Variants in HCFC1 observed in about 807,000 individuals in gnomAD.
HCFC1 encodes the protein host cell factor C1.
In HCFC1, 7 loss-of-function variants were observed where a neutral mutation model predicts 105.5. That is an observed-to-expected ratio of 0.07 (90% CI 0.04 to 0.12). The LOEUF is 0.12. HCFC1 is among the 10% of genes least tolerant of loss of function. The pLI, the probability that HCFC1 is intolerant of heterozygous loss-of-function variation, is 1.00. For synonymous variants in HCFC1, 918 were observed against 828.1 expected (o/e 1.11, Z -1.86); for missense variants, 1,065 against 1,823.6 (o/e 0.58, Z 7.58).
intron 6 of HCFC1, 33 bp downstream of exon 6, chrX:153,961,509 C>T: frequency 9.5e-7 from 1 of 1,055,845 alleles, no homozygotes. Context: ...CTGCAGCCTC[C>T]CACAGGCCAC....
chrX:153,955,500 T>A lies in HCFC1; in HGVS notation c.2899A>T (p.Ser967Cys). 8.5e-7 allele frequency: 1 copy of A among 1,179,381 alleles called. No homozygotes were observed. The highest frequency in any genetic ancestry group is 1.1e-6 in the Non-Finnish European group (1 of 877,480). The change falls in exon 17 of 26, where the codon AGT becomes TGT. Residue 967 changes from serine to cysteine, a missense_variant. Ser to Cys is a moderately radical substitution (Grantham distance 112). Transcript: ENST00000310441. Reference protein sequence around the residue: ...PTQVTLITAPSGVEAQPVHDL... With the variant: ...PTQVTLITAPCGVEAQPVHDL... Reference sequence around the variant, plus strand: ...TGCACAGGCTGGGCCTCCACCCCACTAGGTGCCGTGATCAGAGTTACCTGG... The same window carrying A: ...TGCACAGGCTGGGCCTCCACCCCACAAGGTGCCGTGATCAGAGTTACCTGG...
intron 10 of HCFC1, 88 bp from the exon 11 acceptor site, chrX:153,958,337 G>T: frequency 1.3e-6 from 1 of 764,010 alleles, no homozygotes; most frequent in Non-Finnish European, 1.9e-6. Flanking sequence ...CATAGCTCCT[G>T]CCTCAACACT....
Position 153,952,655 on chromosome X carries a change from T to C in HCFC1, c.4801A>G (p.Thr1601Ala). 8.3e-7 allele frequency: 1 copy of C among 1,210,863 alleles called. No homozygotes were observed. Among genetic ancestry groups the C allele is most frequent in the Non-Finnish European group, 1.1e-6 (1 of 895,134 alleles). ...LMAEAQAGTT[T>A]LMVTGLTPEE... ...GGGGTGAGCCCCGTTACCATGAGGG[T>C]GGTGGTGCCAGCTTGGGCCTCGGCC... The change falls in exon 19 of 26, where the codon ACC becomes GCC. Residue 1601 changes from threonine (T) to alanine (A), a missense_variant. Physicochemically the swap from Thr to Ala is moderately conservative, Grantham distance 58. Around this residue, in one of 17 missense-constraint regions of HCFC1, gnomAD observed 546 missense variants for 599.9 expected, o/e 0.91. Coordinates refer to ENST00000310441, the MANE Select transcript of HCFC1 (RefSeq NM_005334.3).
rs1482150190 is a variant in HCFC1 at position 153,959,849 on chromosome X, G to A, written c.1397C>T (p.Thr466Met). 6 of 1,185,451 alleles carry A rather than the reference G, an allele frequency of 5.1e-6. No homozygotes were observed. Among genetic ancestry groups the A allele is most frequent in the African/African-American group, 1.8e-5 (1 of 56,836 alleles). The change falls in exon 8 of 26, where the codon ACG (threonine) becomes ATG (methionine). Residue 466 changes from threonine (T) to methionine (M), a missense_variant. Thr to Met is a moderately conservative substitution (Grantham distance 81). Coordinates refer to ENST00000310441, the MANE Select transcript of HCFC1 (RefSeq NM_005334.3). ...CACAGAAATGGAGCTGCCAGGCACC[G>A]TTGGCAAGACCTGGATGGTGGTGGT... ...PTTTTIQVLPTVPGSSISVPT... is the reference protein window; with the variant it reads ...PTTTTIQVLPMVPGSSISVPT...
rs2065303843 is a variant in HCFC1 at position 153,950,858 on chromosome X, G to A, written c.5658C>T (p.Cys1886=). The part of the protein sequence containing the change: ...PFSEISAFKT[C]LPGFPGAPCA... ...AAGGGGCCCCTGGGAAACCAGGCAG[G>A]CACGTCTTAAAGGCTGAGATTTCGC... Residue 1886 remains cysteine (C), a synonymous_variant, in exon 23 of 26, where the codon TGC becomes TGT. Transcript: ENST00000310441. The A allele has an allele frequency of 1.7e-6, 2 of 1,210,579 alleles. No individual in the cohort carries two copies. Among genetic ancestry groups the A allele is most frequent in the Non-Finnish European group, 2.2e-6 (2 of 895,240 alleles).
At chrX:153,950,100 C>T (rs782376567) in intron 24 of HCFC1, 143 bp downstream of exon 24, 1 of 619,997 alleles carries the variant, frequency 1.6e-6, no homozygotes, top group East Asian at 3.7e-5. Flanking sequence ...TGATGGCCAC[C>T]CCCGTGGGGG....
chrX:153,971,792 T>G lies in HCFC1; in HGVS notation c.-952A>C. 3.4e-6 allele frequency: 1 copy of G among 294,339 alleles called. No homozygotes were observed. Among genetic ancestry groups the G allele is most frequent in the Non-Finnish European group, 5.9e-6 (1 of 168,829 alleles). The allele number at this position is 294,339 out of a possible 1,213,427, so 24.3% of individuals were successfully genotyped here. ...GCGGTAACGGCAGGGCGCTCATGCC[T>G]CCTCCCTGGGAGCCGCCATCTTGTG... On this transcript the variant is annotated 5_prime_UTR_variant, in exon 1 of 26. Transcript: ENST00000310441.
At position 153,955,255 on chromosome X, in the gene HCFC1, G is replaced by A. The variant is rs781795429; in HGVS notation, c.3144C>T (p.Phe1048=). 15 of 1,211,129 alleles carry A rather than the reference G, an allele frequency of 1.2e-5. No homozygotes were observed. Among genetic ancestry groups the A allele is most frequent in the South Asian group, 3.5e-5 (2 of 56,982 alleles). ...CAGCTGCCTCCTGTCTGTCACAGAC[G>A]AACTGCACTTGGGTGGGCTGGGGGT... ...GGHPQPTQVQ[F]VCDRQEAAAS... is the part of the protein sequence containing the mutation. The change falls in exon 17 of 26, where the codon TTC becomes TTT. Residue 1048 remains phenylalanine, a synonymous_variant. Coordinates refer to ENST00000310441, the MANE Select transcript of HCFC1 (RefSeq NM_005334.3).
At chrX:153,951,329 T>C in intron 22 of HCFC1, 21 bp downstream of exon 22, 1 of 1,209,761 alleles carries the variant, frequency 8.3e-7, no homozygotes, top group Non-Finnish European at 1.1e-6. Flanking sequence ...CCTGAGGACA[T>C]CAGCACCTGG....
At chrX:153,961,951 G>A (rs1348762397) in intron 5 of HCFC1, among the ~76,000 whole-genome samples, 1 of 112,198 alleles carries the variant, frequency 8.9e-6, no homozygotes, top group Non-Finnish European at 1.9e-5. Flanking sequence ...TTGCACAGAG[G>A]ACCTAGAACA....
At chrX:153,951,094 G>A (rs782561918) in intron 22 of HCFC1, 96 bp from the exon 23 acceptor site, 4 of 878,800 alleles carry the variant, frequency 4.6e-6, no homozygotes, top group Middle Eastern at 3.5e-4. Flanking sequence ...TGGGCCAGAG[G>A]GAAAAGAGGT....
chrX:153,952,632 G>A lies in HCFC1; in HGVS notation c.4824C>T (p.Thr1608=). Reference sequence around the variant, plus strand: ...CAGCCGTCACTGCCAGCTCCTCGGGGGTGAGCCCCGTTACCATGAGGGTGG... The same window carrying A: ...CAGCCGTCACTGCCAGCTCCTCGGGAGTGAGCCCCGTTACCATGAGGGTGG... The part of the protein sequence containing the change: ...GTTTLMVTGL[T]PEELAVTAAA... Residue 1608 remains threonine, a synonymous_variant, in exon 19 of 26, where the codon ACC becomes ACT. Coordinates refer to ENST00000310441, the MANE Select transcript of HCFC1 (RefSeq NM_005334.3). 1 of 1,211,192 alleles carries A rather than the reference G, an allele frequency of 8.3e-7. No homozygotes were observed. Among genetic ancestry groups the A allele is most frequent in the East Asian group, 3.0e-5 (1 of 33,853 alleles).
chrX:153,953,466 G>A (rs1281559712), intron 18 of HCFC1, 141 bp downstream of exon 18: 3 of 571,509 alleles, frequency 5.2e-6, no homozygotes, highest in African/African-American at 4.6e-5. Context: ...AGCAGGCACC[G>A]AGGCTGCCCT....
chrX:153,958,505 C>G (rs981425522), intron 10 of HCFC1, 64 bp downstream of exon 10: 9 of 1,050,771 alleles, frequency 8.6e-6, no homozygotes, highest in Non-Finnish European at 1.0e-5. Context: ...ACGGCTAACT[C>G]TAAAGCCCGG....
rs2065354532 is a variant in HCFC1, at chrX:153,954,701, T to C, written c.3698A>G (p.His1233Arg). ...GGCAGCGGTGCTGACCGCATGGCTG[T>C]GGCGCCCCGCAGGAAGGTCCTTAAT... ...PSIKDLPAGR[H>R]SHAVSTAAMT... Residue 1233 changes from histidine to arginine, a missense_variant, in exon 17 of 26, where the codon CAC becomes CGC. Physicochemically the swap from His to Arg is conservative, Grantham distance 29 (BLOSUM62 0). Transcript: ENST00000310441. 3 of 1,197,578 alleles carry C rather than the reference T, an allele frequency of 2.5e-6. No individual in the cohort carries two copies. Among genetic ancestry groups the C allele is most frequent in the Non-Finnish European group, 1.1e-6 (1 of 888,975 alleles).
At chrX:153,962,456 G>A in intron 4 of HCFC1, 150 bp from the exon 5 acceptor site, 1 of 455,509 alleles carries the variant, frequency 2.2e-6, no homozygotes, top group Non-Finnish European at 3.9e-6. Flanking sequence ...CCCTCTGACT[G>A]TTGTCATGGT....
rs782168918 is a variant in HCFC1, at chrX:153,964,482, C to T, written c.342+96G>A. 1.5e-4 allele frequency: 148 copies of T among 994,488 alleles called. 1 individual carries two copies. Among genetic ancestry groups the T allele is most frequent in the Non-Finnish European group, 1.8e-4 (131 of 732,664 alleles). 82.0% of individuals were successfully genotyped at this position (994,488 alleles called of 1,213,427 possible). On this transcript the variant is annotated intron_variant, in intron 2 of 25. Coordinates refer to ENST00000310441, the MANE Select transcript of HCFC1 (RefSeq NM_005334.3). The stretch of plus-strand genomic sequence containing the variant: ...AGAGCAGCCTTGGCAGACTCTCAAG[C>T]GTCCCTTCCACCTCCCGCTTGCCTC...
At chrX:153,956,497 A>G in intron 15 of HCFC1, 86 bp from the exon 16 acceptor site, 1 of 1,111,533 alleles carries the variant, frequency 9.0e-7, no homozygotes, top group Non-Finnish European at 1.2e-6. Context: ...GGCACTCTGG[A>G]GCTGCTTGCA....
chrX:153,953,203 T>G, intron 18 of HCFC1: 2 of 445,415 alleles, frequency 4.5e-6, no homozygotes, highest in Non-Finnish European at 7.8e-6. Context: ...GTTTTCATTC[T>G]TGATGGGCCA....
Sources: allele counts gnomAD v4.1 joint callset (sites outside exome capture counted in the v4.1 genomes callset), GRCh38; gene constraint gnomAD v4.1.1; regional missense constraint gnomAD v4.1.1; transcripts MANE v1.5; gene names NCBI Gene and HGNC (gene_info 2026-07-23, HGNC 2026-07-21).